The following WASF2 variants were observed in gnomAD, a reference collection of about 807,000 sequenced individuals.
WASF2 encodes the protein actin-binding protein WASF2.
A neutral mutation model predicts 45.0 loss-of-function variants in WASF2; 14 were observed. The ratio of observed to expected loss-of-function variants is 0.31; its 90% CI spans 0.21 to 0.49. WASF2 has a LOEUF of 0.49. Ranked by LOEUF, WASF2 falls within the 20% of genes least tolerant of loss-of-function variation. The pLI is 0.99. For missense variants in WASF2, 439 were observed against 636.1 expected, an observed-to-expected ratio of 0.69 and a Z score of 3.33; for synonymous variants, 200 against 236.3, an observed-to-expected ratio of 0.85 and a Z score of 1.41.
chr1:27,414,862 C>T lies in WASF2; in HGVS notation c.639G>A (p.Val213=). ...AAGTCCCCAGCTTTTCTTTGGACTC[C>T]ACAAATTCTTGCCCCATCTTCATTT... ...WEKMKMGQEF[V]ESKEKLGTSG... is the part of the protein sequence containing the mutation. Residue 213 remains valine (V), a synonymous_variant, in exon 6 of 9, where the codon GTG becomes GTA. Coordinates refer to ENST00000618852, the MANE Select transcript of WASF2 (RefSeq NM_006990.5). The surrounding 1 kb of genome is among the most constrained non-coding windows in gnomAD (Gnocchi z 4.1). 6.2e-7 allele frequency: 1 copy of T among 1,614,148 alleles called. No homozygotes were observed. The highest frequency in any genetic ancestry group is 1.1e-5 in the South Asian group (1 of 91,082).
chr1:27,445,520 C>T (rs985151741), intron 1 of WASF2, among the ~76,000 whole-genome samples: 1 of 152,184 alleles, frequency 6.6e-6, no homozygotes, highest in East Asian at 1.9e-4. Context: ...CATGCTAACA[C>T]AAGAAAGCAT....
rs138915630 is a variant in WASF2 at position 27,465,029 on chromosome 1, G to A, written c.-44+24957C>T. On this transcript the variant is annotated intron_variant, in intron 1 of 8. Transcript: ENST00000618852. ...GCCTTTACTTTTATTTTTTATTTCC[G>A]AAAGCAGCAGGAGAAAAACAGCTTA... 7.2e-3 allele frequency among the ~76,000 whole-genome samples: 1,099 copies of A among 152,192 alleles called. 9 individuals carry two copies. The highest frequency in any genetic ancestry group is 0.014 in the Middle Eastern group (4 of 294).
At chr1:27,435,255 A>T (rs1361602633) in intron 1 of WASF2, among the ~76,000 whole-genome samples, 2 of 150,178 alleles carry the variant, frequency 1.3e-5, no homozygotes, top group Non-Finnish European at 3.0e-5. Context: ...CTATCATGGA[A>T]TACTTTTATA....
At chr1:27,441,354 G>C (rs1012969109) in intron 1 of WASF2, among the ~76,000 whole-genome samples, 1 of 151,840 alleles carries the variant, frequency 6.6e-6, no homozygotes, top group African/African-American at 2.4e-5. Context: ...GTGGCTGGGC[G>C]TGGTGGCTCA....
intron 1 of WASF2, among the ~76,000 whole-genome samples, chr1:27,479,607 G>T (rs1186707319): frequency 6.6e-6 from 1 of 152,228 alleles, no homozygotes; most frequent in Admixed American, 6.5e-5. Flanking sequence ...GCTCACGCCT[G>T]TAATCCCAGC....
chr1:27,487,580 TTA>T (rs1242979549), intron 1 of WASF2, among the ~76,000 whole-genome samples: 22 of 97,604 alleles, frequency 2.3e-4, no homozygotes, highest in East Asian at 7.5e-4. Flanking sequence ...ATAATATATA[TTA>T]TATATATTTT....
chr1:27,456,139 A>G (rs898705846), intron 1 of WASF2, among the ~76,000 whole-genome samples: 2 of 151,918 alleles, frequency 1.3e-5, no homozygotes, highest in African/African-American at 4.8e-5. Flanking sequence ...TGGCTAACAC[A>G]ATAAAACCCC....
intron 1 of WASF2, among the ~76,000 whole-genome samples, chr1:27,462,046 C>T (rs2017553095): frequency 6.7e-6 from 1 of 149,070 alleles, no homozygotes; most frequent in South Asian, 2.1e-4. Context: ...GGTGCGATCT[C>T]GGATCACTGC....
At position 27,462,190 on chromosome 1, in the gene WASF2, C is replaced by G. The variant is rs185864883; in HGVS notation, c.-44+27796G>C. 1.5e-3 allele frequency among the ~76,000 whole-genome samples: 227 copies of G among 149,586 alleles called. 1 individual carries two copies. Among genetic ancestry groups the G allele is most frequent in the African/African-American group, 5.4e-3 (220 of 40,624 alleles). ...ATGGGGTTTCTCCATGCTGGCCAGG[C>G]TGGTCTCAAACTCTTGACCTCGTGA... On this transcript the variant is annotated intron_variant, in intron 1 of 8. Transcript: ENST00000618852.
chr1:27,408,773 CT>C (rs956212768), intron 8 of WASF2, among the ~76,000 whole-genome samples: 10 of 149,888 alleles, frequency 6.7e-5, no homozygotes, highest in African/African-American at 2.2e-4. Context: ...GACCTGGCCC[CT>C]GATAGAATAA....
intron 1 of WASF2, among the ~76,000 whole-genome samples, chr1:27,447,664 G>A (rs936595203): frequency 6.6e-6 from 1 of 152,158 alleles, no homozygotes; most frequent in African/African-American, 2.4e-5. Flanking sequence ...GAACAGTCAC[G>A]AAAGTTTAGC....
At chr1:27,461,219 T>G (rs561939184) in intron 1 of WASF2, among the ~76,000 whole-genome samples, 2 of 152,166 alleles carry the variant, frequency 1.3e-5, no homozygotes, top group Non-Finnish European at 2.9e-5. Flanking sequence ...TGGAGAAAAG[T>G]TGCAAGAATA....
chr1:27,454,966 G>A (rs1243730407), intron 1 of WASF2, among the ~76,000 whole-genome samples: 1 of 152,072 alleles, frequency 6.6e-6, no homozygotes, highest in Non-Finnish European at 1.5e-5. Context: ...CATATGTAAA[G>A]TTCTTTAGGG....
At chr1:27,412,801 C>A in intron 6 of WASF2, 74 bp from the exon 7 acceptor site, 2 of 1,554,678 alleles carry the variant, frequency 1.3e-6, no homozygotes, top group Non-Finnish European at 1.8e-6. Context: ...AAAGGTACTA[C>A]AAAAATGCAT....
At chr1:27,456,674 G>A (rs1283213477) in intron 1 of WASF2, among the ~76,000 whole-genome samples, 1 of 151,412 alleles carries the variant, frequency 6.6e-6, no homozygotes, top group Non-Finnish European at 1.5e-5. Context: ...TGGTCATGGT[G>A]CTTTCCTCTG....
Position 27,410,211 on chromosome 1 carries a change from A to G in WASF2, c.825-5T>C, listed in dbSNP as rs755426913. The stretch of plus-strand genomic sequence containing the variant: ...CTTTGGTTGTCCACTGGGTAACTAA[A>G]AGGCCAAAGAAAAAAAGACTCACCA... On this transcript the variant is annotated splice_polypyrimidine_tract_variant and splice_region_variant and intron_variant, in intron 7 of 8. Transcript: ENST00000618852. The surrounding 1 kb of genome is among the most constrained non-coding windows in gnomAD (Gnocchi z 4.2). The G allele has an allele frequency of 4.3e-6, 7 of 1,614,066 alleles. No homozygotes were observed. The highest frequency in any genetic ancestry group is 5.9e-6 in the Non-Finnish European group (7 of 1,179,982).
chr1:27,458,202 C>T (rs574589938), intron 1 of WASF2, among the ~76,000 whole-genome samples: 3 of 150,464 alleles, frequency 2.0e-5, no homozygotes, highest in South Asian at 4.2e-4. Flanking sequence ...AGTCCCAGCT[C>T]CTTGGGAGGC....
intron 1 of WASF2, among the ~76,000 whole-genome samples, chr1:27,440,521 A>T (rs998417527): frequency 2.1e-5 from 3 of 142,044 alleles, no homozygotes; most frequent in African/African-American, 5.1e-5. Context: ...ACCCTGTCTT[A>T]AAAAAAAAAA....
intron 1 of WASF2, chr1:27,457,128 T>G (rs1029638648): frequency 6.6e-6 from 1 of 151,996 alleles, no homozygotes; most frequent in Non-Finnish European, 1.5e-5. Flanking sequence ...TCCACCTGCC[T>G]CGGCCTCCGA....
Sources: allele counts gnomAD v4.1 joint callset (sites outside exome capture counted in the v4.1 genomes callset), GRCh38; gene constraint gnomAD v4.1.1; non-coding constraint Gnocchi (gnomAD v3.1); transcripts MANE v1.5; gene names NCBI Gene and HGNC (gene_info 2026-07-23, HGNC 2026-07-21).